The following SESN3 variants were observed in gnomAD, a reference collection of about 807,000 sequenced individuals.
SESN3 encodes the protein sestrin-3.
In SESN3, 21 loss-of-function variants were observed where a neutral mutation model predicts 55.3. That is an observed-to-expected ratio of 0.38 (90% CI 0.27 to 0.55). The LOEUF (loss-of-function observed/expected upper bound fraction) is 0.55. Among genes scored for constraint, SESN3 ranks in the 20% least tolerant of loss-of-function variants. The pLI, the probability that SESN3 is intolerant of heterozygous loss-of-function variation, is 0.76. For missense variants in SESN3, 408 were observed against 604.3 expected, an observed-to-expected ratio of 0.68 and a Z score of 3.41; for synonymous variants, 181 against 203.1, an observed-to-expected ratio of 0.89 and a Z score of 0.93.
chr11:95,223,125 A>G (rs185262285), intron 1 of SESN3, among the ~76,000 whole-genome samples: 157 of 152,200 alleles, frequency 1.0e-3, no homozygotes, highest in African/African-American at 3.4e-3. Context: ...GCTGGCTGTC[A>G]TAGCTTTTGT....
intron 1 of SESN3, among the ~76,000 whole-genome samples, chr11:95,208,523 A>T (rs571852712): frequency 6.6e-6 from 1 of 151,422 alleles, no homozygotes; most frequent in South Asian, 2.1e-4. Context: ...GTAATTCCTC[A>T]CTTAAATGGC....
At position 95,169,276 on chromosome 11, in the gene SESN3, G is replaced by A. The variant is rs1240462658; in HGVS notation, c.*3979C>T. 6.6e-6 allele frequency: 1 copy of A among 152,028 alleles called. No individual in the cohort carries two copies. The highest frequency in any genetic ancestry group is 1.5e-5 in the Non-Finnish European group (1 of 67,992). The allele number at this position is 152,028 out of a possible 1,614,324, so 9.4% of individuals were successfully genotyped here. On this transcript the variant is annotated 3_prime_UTR_variant, in exon 10 of 10. Coordinates refer to ENST00000536441, the MANE Select transcript of SESN3 (RefSeq NM_144665.4). Reference sequence around the variant, plus strand: ...CTCAGTCTCCAGAGGGATATAATAGGGAAACACAGTTTACGTTGACGGCCA... The same window carrying A: ...CTCAGTCTCCAGAGGGATATAATAGAGAAACACAGTTTACGTTGACGGCCA...
intron 4 of SESN3, among the ~76,000 whole-genome samples, chr11:95,187,436 T>C (rs1860188157): frequency 6.6e-6 from 1 of 151,952 alleles, no homozygotes. Flanking sequence ...TACAATCTGG[T>C]TTCTTTTTCA....
intron 6 of SESN3, among the ~76,000 whole-genome samples, chr11:95,179,121 G>A (rs1174499182): frequency 6.6e-6 from 1 of 151,616 alleles, no homozygotes; most frequent in Non-Finnish European, 1.5e-5. Context: ...ATTTAGGAAT[G>A]GAAGATAGCA....
In SESN3 at chr11:95,230,498, AG is replaced by A; in HGVS notation, c.78+284del. The A allele has an allele frequency of 2.7e-6, 1 of 367,086 alleles. No individual in the cohort carries two copies. The allele number at this position is 367,086 out of a possible 1,614,324, so 22.7% of individuals were successfully genotyped here. A position where few individuals can be genotyped will look rare whatever the true frequency, so the allele number is the denominator to read the frequency against. On this transcript the variant is annotated intron_variant, in intron 1 of 9. Coordinates refer to ENST00000536441, the MANE Select transcript of SESN3 (RefSeq NM_144665.4). The surrounding 1 kb of genome is among the most constrained non-coding windows in gnomAD (Gnocchi z 4.6). ...AGGAGCCGACCCGGGGTAGCAAGGT[AG>A]GGAAATGAGCCGTAAAGGAGAGCAA...
intron 1 of SESN3, among the ~76,000 whole-genome samples, chr11:95,218,816 A>T (rs1371802222): frequency 1.3e-5 from 2 of 151,964 alleles, no homozygotes; most frequent in Middle Eastern, 3.2e-3. Flanking sequence ...AAGCCCGCTA[A>T]TTTTTTGCAT....
rs2134279247 is a variant in SESN3 at position 95,231,179 on chromosome 11, A to ACCGCTGCCACCGCCACCG, written c.-320_-319insCGGTGGCGGTGGCAGCGG. The ACCGCTGCCACCGCCACCG allele has an allele frequency of 1.0e-5, 3 of 291,848 alleles. No individual in the cohort carries two copies. Among genetic ancestry groups the ACCGCTGCCACCGCCACCG allele is most frequent in the South Asian group, 9.9e-5 (1 of 10,088 alleles). 18.1% of individuals were successfully genotyped at this position (291,848 alleles called of 1,614,324 possible). ...AGCCGCCACCGCTGCCACCGCCACC[A>ACCGCTGCCACCGCCACCG]CCGCCGCCGCAGCGCCTCAGTGCGG... On this transcript the variant is annotated 5_prime_UTR_variant, in exon 1 of 10. Transcript: ENST00000536441.
At chr11:95,175,422 G>T (rs2134213723) in intron 9 of SESN3, 76 bp downstream of exon 9, 3 of 1,210,996 alleles carry the variant, frequency 2.5e-6, no homozygotes, top group East Asian at 4.8e-5. Context: ...ATACTTTCAT[G>T]TGTCATTTTT....
chr11:95,213,893 A>T (rs1860704351), intron 1 of SESN3, among the ~76,000 whole-genome samples: 1 of 152,164 alleles, frequency 6.6e-6, no homozygotes, highest in African/African-American at 2.4e-5. Context: ...GGAATTCGGT[A>T]ACATTTCAAA....
chr11:95,178,292 A>G (rs992826048), intron 7 of SESN3, among the ~76,000 whole-genome samples: 2 of 152,200 alleles, frequency 1.3e-5, no homozygotes, highest in African/African-American at 4.8e-5. Flanking sequence ...TCATAATTCA[A>G]TCTTATACCC....
Position 95,171,483 on chromosome 11 carries a change from A to G in SESN3, c.*1772T>C, listed in dbSNP as rs1430115686. 2 of 152,324 alleles carry G rather than the reference A, an allele frequency of 1.3e-5. No homozygotes were observed. The highest frequency in any genetic ancestry group is 3.9e-4 in the East Asian group (2 of 5,190). 9.4% of individuals were successfully genotyped at this position (152,324 alleles called of 1,614,324 possible). On this transcript the variant is annotated 3_prime_UTR_variant, in exon 10 of 10. Transcript: ENST00000536441. ...AGTCATATTTGTTTTCCTATCTGGAACAAAATCTAAAAGAAAGCAACCCAA... is the reference window on the plus strand; with the variant it reads ...AGTCATATTTGTTTTCCTATCTGGAGCAAAATCTAAAAGAAAGCAACCCAA...
rs772682644 is a variant in SESN3 at position 95,185,206 on chromosome 11, T to C, written c.762+50A>G. 5 of 1,030,618 alleles carry C rather than the reference T, an allele frequency of 4.9e-6. No homozygotes were observed. The Admixed American group carries it at 9.4e-5, about 19-fold the overall frequency. 63.8% of individuals were successfully genotyped at this position (1,030,618 alleles called of 1,614,324 possible). ...AAATTCTCTCTAGATATTTTTAATA[T>C]TAGAAGTTTAAAGCAAAAATAGTAA... On this transcript the variant is annotated intron_variant, in intron 5 of 9. Transcript: ENST00000536441.
chr11:95,231,179 A>ACCG lies in SESN3; in HGVS notation c.-322_-320dup, dbSNP rs1555124862. The stretch of plus-strand genomic sequence containing the variant: ...AGCCGCCACCGCTGCCACCGCCACC[A>ACCG]CCGCCGCCGCAGCGCCTCAGTGCGG... On this transcript the variant is annotated 5_prime_UTR_variant, in exon 1 of 10. Transcript: ENST00000536441. 2.5e-4 allele frequency: 72 copies of ACCG among 291,848 alleles called. No homozygotes were observed. Among genetic ancestry groups the ACCG allele is most frequent in the Middle Eastern group, 1.9e-3 (2 of 1,050 alleles). 18.1% of individuals were successfully genotyped at this position (291,848 alleles called of 1,614,324 possible).
intron 9 of SESN3, among the ~76,000 whole-genome samples, chr11:95,174,778 C>T (rs1052086500): frequency 8.5e-5 from 13 of 152,058 alleles, no homozygotes; most frequent in African/African-American, 3.1e-4. Context: ...GGAGCCACTG[C>T]ACCCAGCCAC....
chr11:95,223,632 C>G (rs1172605288), intron 1 of SESN3, among the ~76,000 whole-genome samples: 1 of 152,192 alleles, frequency 6.6e-6, no homozygotes, highest in Non-Finnish European at 1.5e-5. Context: ...TAGACAGCAT[C>G]TGCAAGTGAT....
At chr11:95,231,273 C>T, upstream of SESN3, 1 of 393,270 alleles carries the variant, frequency 2.5e-6, no homozygotes, top group South Asian at 1.2e-4. Flanking sequence ...GCCAATCGGA[C>T]AGCTCCGGCT....
chr11:95,178,620 A>G, intron 7 of SESN3, 90 bp downstream of exon 7: 1 of 799,204 alleles, frequency 1.3e-6, no homozygotes, highest in Admixed American at 1.9e-5. Context: ...TTCTATCAAA[A>G]ATTGTTTAGT....
chr11:95,180,488 T>G (rs1860040347), intron 6 of SESN3, among the ~76,000 whole-genome samples: 1 of 152,144 alleles, frequency 6.6e-6, no homozygotes, highest in Non-Finnish European at 1.5e-5. Flanking sequence ...TTATTAAAAT[T>G]CTTAACAAAC....
intron 6 of SESN3, among the ~76,000 whole-genome samples, chr11:95,180,055 C>G (rs1057456768): frequency 6.6e-6 from 1 of 152,058 alleles, no homozygotes; most frequent in South Asian, 2.1e-4. Context: ...AATGAACAAG[C>G]TTCATTTACT....
Sources: allele counts gnomAD v4.1 joint callset (sites outside exome capture counted in the v4.1 genomes callset), GRCh38; gene constraint gnomAD v4.1.1; non-coding constraint Gnocchi (gnomAD v3.1); transcripts MANE v1.5; gene names NCBI Gene and HGNC (gene_info 2026-07-23, HGNC 2026-07-21).